Variants in FBXL7 observed in about 807,000 individuals in gnomAD.
FBXL7 encodes the protein F-box/LRR-repeat protein 7.
FBXL7 carries 12 observed loss-of-function variants against 38.3 expected under a neutral mutation model. The observed-to-expected ratio is 0.31, with a 90% CI of 0.20 to 0.51. The LOEUF (loss-of-function observed/expected upper bound fraction) is 0.51, where lower values mean the gene tolerates loss of function less well. FBXL7 is among the 20% of genes least tolerant of loss of function. The probability of loss-of-function intolerance (pLI) is 0.98; values close to 1 mark genes in which losing one functional copy is unlikely to be tolerated. For synonymous variants in FBXL7, 297 were observed against 300.9 expected (o/e 0.99, Z 0.13); for missense variants, 567 against 676.4 (o/e 0.84, Z 1.79).
intron 1 of FBXL7, among the ~76,000 whole-genome samples, chr5:15,593,080 G>T (rs1580390971): frequency 6.6e-6 from 1 of 152,188 alleles, no homozygotes; most frequent in Admixed American, 6.5e-5. Flanking sequence ...AAATTTTAGA[G>T]CCTTTAAAGT....
chr5:15,739,191 C>G (rs538998797), intron 2 of FBXL7, among the ~76,000 whole-genome samples: 2 of 152,174 alleles, frequency 1.3e-5, no homozygotes, highest in Non-Finnish European at 2.9e-5. Flanking sequence ...GCATCTCCAG[C>G]TGGGCCTGAG....
At chr5:15,874,206 A>G (rs1740099991) in intron 2 of FBXL7, among the ~76,000 whole-genome samples, 1 of 152,270 alleles carries the variant, frequency 6.6e-6, no homozygotes, top group African/African-American at 2.4e-5. Context: ...AAAGCCTTTG[A>G]CAAAATTCAA....
intron 2 of FBXL7, among the ~76,000 whole-genome samples, chr5:15,669,546 A>G (rs1742398630): frequency 6.6e-6 from 1 of 152,096 alleles, no homozygotes; most frequent in Non-Finnish European, 1.5e-5. Context: ...ACTCTCTTAG[A>G]ACTACACTCC....
intron 2 of FBXL7, among the ~76,000 whole-genome samples, chr5:15,791,188 G>A: frequency 6.6e-6 from 1 of 152,052 alleles, no homozygotes; most frequent in Non-Finnish European, 1.5e-5. Flanking sequence ...TTAAACCTGA[G>A]CACAGTGTCA....
chr5:15,710,466 T>A (rs776979112), intron 2 of FBXL7, among the ~76,000 whole-genome samples: 2 of 152,180 alleles, frequency 1.3e-5, no homozygotes, highest in Non-Finnish European at 2.9e-5. Flanking sequence ...CAAGGCCACA[T>A]TGTCTTAAGT....
At chr5:15,643,578 C>T (rs915763722) in intron 2 of FBXL7, among the ~76,000 whole-genome samples, 2 of 152,148 alleles carry the variant, frequency 1.3e-5, no homozygotes, top group African/African-American at 4.8e-5. Context: ...ATGGGTTTTA[C>T]TTCTTTGAAA....
At chr5:15,752,274 AAAAAT>A (rs1235761774) in intron 2 of FBXL7, among the ~76,000 whole-genome samples, 1 of 151,952 alleles carries the variant, frequency 6.6e-6, no homozygotes, top group Non-Finnish European at 1.5e-5. Flanking sequence ...GTATAATAAT[AAAAAT>A]AAAATAAAAT....
intron 2 of FBXL7, among the ~76,000 whole-genome samples, chr5:15,673,255 G>T (rs1742543619): frequency 1.3e-5 from 2 of 151,732 alleles, no homozygotes; most frequent in South Asian, 4.2e-4. Flanking sequence ...GCCAGAGGTT[G>T]CAGTGAGCCG....
At chr5:15,580,885 A>T (rs1207567184) in intron 1 of FBXL7, 1 of 925,618 alleles carries the variant, frequency 1.1e-6, no homozygotes, top group Non-Finnish European at 1.3e-6. Flanking sequence ...GGCATGGAAG[A>T]CAGAAGGTTG....
chr5:15,575,048 G>A (rs746913859), intron 1 of FBXL7, among the ~76,000 whole-genome samples: 1 of 152,110 alleles, frequency 6.6e-6, no homozygotes, highest in Non-Finnish European at 1.5e-5. Context: ...AAAGTGGGGA[G>A]TGCTGCTGGC....
intron 1 of FBXL7, among the ~76,000 whole-genome samples, chr5:15,564,093 A>G (rs890664935): frequency 6.6e-6 from 1 of 152,110 alleles, no homozygotes; most frequent in Non-Finnish European, 1.5e-5. Flanking sequence ...CCTTTCTGGT[A>G]TATACTGAAC....
chr5:15,870,807 C>T (rs1739923154), intron 2 of FBXL7, among the ~76,000 whole-genome samples: 1 of 152,140 alleles, frequency 6.6e-6, no homozygotes, highest in Non-Finnish European at 1.5e-5. Context: ...GGCAGCAGCC[C>T]CACTCAGGGG....
At chr5:15,837,366 C>T (rs1324646351) in intron 2 of FBXL7, among the ~76,000 whole-genome samples, 1 of 152,100 alleles carries the variant, frequency 6.6e-6, no homozygotes, top group East Asian at 1.9e-4. Context: ...AATTCTAAAG[C>T]ATTTTAAGGG....
chr5:15,812,288 C>T (rs546551404), intron 2 of FBXL7, among the ~76,000 whole-genome samples: 20 of 152,006 alleles, frequency 1.3e-4, no homozygotes, highest in South Asian at 1.0e-3. Context: ...AGTTGAACAA[C>T]GAGAACACAT....
intron 2 of FBXL7, among the ~76,000 whole-genome samples, chr5:15,682,682 C>T (rs1742885319): frequency 6.6e-6 from 1 of 152,084 alleles, no homozygotes; most frequent in South Asian, 2.1e-4. Flanking sequence ...TAATTGATGC[C>T]TAAATGATAA....
intron 2 of FBXL7, among the ~76,000 whole-genome samples, chr5:15,763,422 G>C (rs180763403): frequency 1.1e-4 from 17 of 152,264 alleles, no homozygotes; most frequent in African/African-American, 3.6e-4. Flanking sequence ...GAAGATACAG[G>C]CTGCAAATTT....
Position 15,937,203 on chromosome 5 carries a change from C to G in FBXL7, c.*17C>G. The stretch of plus-strand genomic sequence containing the variant: ...TTCTTCTGAAGGGACAGAGTTCATC[C>G]GGCGTTGTATTCACACAAACCTGAA... On this transcript the variant is annotated 3_prime_UTR_variant, in exon 4 of 4. Transcript: ENST00000504595. 1.9e-6 allele frequency: 3 copies of G among 1,559,286 alleles called. No homozygotes were observed. Among genetic ancestry groups the G allele is most frequent in the Non-Finnish European group, 2.6e-6 (3 of 1,151,674 alleles).
At chr5:15,880,035 A>C (rs113149478) in intron 2 of FBXL7, among the ~76,000 whole-genome samples, 97 of 152,204 alleles carry the variant, frequency 6.4e-4, no homozygotes, top group Middle Eastern at 3.4e-3. Context: ...AACCAGAGAG[A>C]CTCCACCTTG....
intron 1 of FBXL7, among the ~76,000 whole-genome samples, chr5:15,607,653 G>A (rs570724233): frequency 2.0e-4 from 30 of 152,220 alleles, no homozygotes; most frequent in African/African-American, 7.2e-4. Flanking sequence ...ACAGCCCAAG[G>A]GAATGCGTGA....
Sources: gnomAD v4.1 joint callset for allele counts (sites outside exome capture counted in the v4.1 genomes callset) on GRCh38, gnomAD v4.1.1 for gene constraint, MANE v1.5 for transcripts, NCBI Gene and HGNC (gene_info 2026-07-23, HGNC 2026-07-21) for gene names.